Variants in NEDD9 observed in about 807,000 individuals in gnomAD.
The protein encoded by NEDD9 is neural precursor cell expressed, developmentally down-regulated 9, also known as enhancer of filamentation 1.
Under a neutral mutation model 76.6 loss-of-function variants are expected in NEDD9, and 26 were observed. The observed-to-expected ratio is 0.34, with a 90% CI of 0.25 to 0.47. The LOEUF (loss-of-function observed/expected upper bound fraction) is 0.47. Ranked by LOEUF, NEDD9 falls within the 20% of genes least tolerant of loss-of-function variation. The probability of loss-of-function intolerance (pLI) is 1.00; values close to 1 mark genes in which losing one functional copy is unlikely to be tolerated. For synonymous variants in NEDD9, 392 were observed against 414.2 expected (o/e 0.95, Z 0.65); for missense variants, 937 against 1,058.5 (o/e 0.89, Z 1.59).
At chr6:11,368,425 C>T (rs1406060652) in intron 1 of NEDD9, among the ~76,000 whole-genome samples, 5 of 152,160 alleles carry the variant, frequency 3.3e-5, no homozygotes, top group Admixed American at 2.0e-4. Flanking sequence ...ACTACCACAA[C>T]TCTTGGATAC....
chr6:11,317,193 G>A (rs1458329267), intron 2 of NEDD9, among the ~76,000 whole-genome samples: 1 of 152,192 alleles, frequency 6.6e-6, no homozygotes, highest in Non-Finnish European at 1.5e-5. Flanking sequence ...AGCACTCTGA[G>A]AGGCCGAGGC....
chr6:11,304,837 A>T (rs1271009607), intron 3 of NEDD9, among the ~76,000 whole-genome samples: 1 of 152,206 alleles, frequency 6.6e-6, no homozygotes, highest in Non-Finnish European at 1.5e-5. Context: ...ATATAGCATT[A>T]GGAGAAATAC....
At chr6:11,302,933 G>A (rs1018373405) in intron 3 of NEDD9, among the ~76,000 whole-genome samples, 6 of 152,194 alleles carry the variant, frequency 3.9e-5, no homozygotes, top group African/African-American at 1.4e-4. Flanking sequence ...AAAGCTGGAA[G>A]CATTCCCTTT....
At chr6:11,231,715 G>A (rs1375508103) in intron 1 of NEDD9, among the ~76,000 whole-genome samples, 1 of 152,154 alleles carries the variant, frequency 6.6e-6, no homozygotes, top group African/African-American at 2.4e-5. Context: ...AAAGAAAAAG[G>A]GGAGGGGGGA....
intron 2 of NEDD9, among the ~76,000 whole-genome samples, chr6:11,318,338 G>A (rs1045850356): frequency 6.6e-6 from 1 of 152,090 alleles, no homozygotes; most frequent in Non-Finnish European, 1.5e-5. Context: ...GAAAAGAAAA[G>A]AGAAAAATAG....
At chr6:11,249,707 C>A (rs900634696) in intron 3 of NEDD9, among the ~76,000 whole-genome samples, 6 of 152,314 alleles carry the variant, frequency 3.9e-5, no homozygotes, top group Middle Eastern at 3.4e-3. Context: ...ACAGTAGATG[C>A]TCCATAACTG....
At chr6:11,239,313 G>A (rs1759664904) in intron 3 of NEDD9, among the ~76,000 whole-genome samples, 1 of 152,164 alleles carries the variant, frequency 6.6e-6, no homozygotes, top group Non-Finnish European at 1.5e-5. Flanking sequence ...ATTTATAGAA[G>A]AGGGTTCTGT....
chr6:11,218,861 A>C (rs557730051), intron 1 of NEDD9, among the ~76,000 whole-genome samples: 1 of 152,298 alleles, frequency 6.6e-6, no homozygotes, highest in South Asian at 2.1e-4. Context: ...AAACAGGATA[A>C]TGACGCAGAT....
chr6:11,334,661 T>C (rs538420044), intron 1 of NEDD9: 1 of 152,370 alleles, frequency 6.6e-6, no homozygotes, highest in East Asian at 1.9e-4. Flanking sequence ...GTGGTTATGT[T>C]ATACATCATT....
chr6:11,213,589 G>A lies in NEDD9; in HGVS notation c.151C>T (p.Arg51Trp), dbSNP rs145744844. 16 of 1,614,144 alleles carry A rather than the reference G, an allele frequency of 9.9e-6. No individual in the cohort carries two copies. Among genetic ancestry groups the A allele is most frequent in the African/African-American group, 5.3e-5 (4 of 75,026 alleles). Residue 51 changes from arginine to tryptophan, a missense_variant, in exon 2 of 7, where the codon CGG becomes TGG. By Grantham distance (101) the Arg-to-Trp change is moderately radical. Transcript: ENST00000379446. This position sits in a 1 kb window ranked among gnomAD's most constrained non-coding sequence, Gnocchi z 5.4. ...EGWWLCSLHG[R>W]QGIVPGNRVK... ...CGGTTGCCTGGGACAATGCCTTGCC[G>A]ACCGTGTAATGAGCACAGCCACCAT...
chr6:11,198,222 T>G lies in NEDD9; in HGVS notation c.460-4530A>C, dbSNP rs574518469. ...ATTGACTTAAATTTTAAAAACAGTG[T>G]CTTGGCCAAACTAAACGCGTCTTTG... On this transcript the variant is annotated intron_variant, in intron 2 of 6. Transcript: ENST00000379446. This position sits in a 1 kb window ranked among gnomAD's most constrained non-coding sequence, Gnocchi z 4.7. The G allele has an allele frequency of 1.3e-5, 2 of 152,326 alleles. No individual in the cohort carries two copies. The highest frequency in any genetic ancestry group is 1.3e-4 in the Admixed American group (2 of 15,296). The allele number at this position is 152,326 out of a possible 1,614,324, so 9.4% of individuals were successfully genotyped here. A position where few individuals can be genotyped will look rare whatever the true frequency, so the allele number is the denominator to read the frequency against.
At chr6:11,238,802 C>G (rs1759656678) in intron 3 of NEDD9, among the ~76,000 whole-genome samples, 2 of 152,172 alleles carry the variant, frequency 1.3e-5, no homozygotes, top group African/African-American at 4.8e-5. Context: ...AATGCTTAGG[C>G]CTCTCTCCTT....
intron 3 of NEDD9, chr6:11,305,972 T>C (rs565520123): frequency 6.2e-7 from 1 of 1,613,778 alleles, no homozygotes; most frequent in Non-Finnish European, 8.5e-7. Context: ...AATTGTCTGT[T>C]TTTTTCTATC....
upstream of NEDD9, chr6:11,233,387 T>C (rs2113274050): frequency 1.9e-6 from 1 of 519,004 alleles, no homozygotes; most frequent in Non-Finnish European, 3.8e-6. Context: ...CGACCTTCAG[T>C]GGCTTTGCTG....
intron 1 of NEDD9, among the ~76,000 whole-genome samples, chr6:11,216,186 A>T (rs1758948350): frequency 6.6e-6 from 1 of 152,222 alleles, no homozygotes; most frequent in African/African-American, 2.4e-5. Flanking sequence ...CTCAGTGCCC[A>T]TAGAGATTAG....
intron 3 of NEDD9, among the ~76,000 whole-genome samples, chr6:11,287,539 C>A (rs1760677795): frequency 6.6e-6 from 1 of 152,246 alleles, no homozygotes; most frequent in East Asian, 1.9e-4. Flanking sequence ...CACACACACA[C>A]ACACACACAC....
At position 11,213,517 on chromosome 6, in the gene NEDD9, C is replaced by G. The variant is rs770931575; in HGVS notation, c.223G>C (p.Glu75Gln). The G allele has an allele frequency of 3.1e-6, 5 of 1,613,974 alleles. No individual in the cohort carries two copies. Among genetic ancestry groups the G allele is most frequent in the Non-Finnish European group, 4.2e-6 (5 of 1,180,036 alleles). The change falls in exon 2 of 7, where the codon GAG becomes CAG. Residue 75 changes from glutamate to glutamine, a missense_variant. Physicochemically the swap from Glu to Gln is conservative, Grantham distance 29. Transcript: ENST00000379446. The surrounding 1 kb of genome is among the most constrained non-coding windows in gnomAD (Gnocchi z 5.4). ...GPMQETASSH[E>Q]QPASGLMQQT... is the part of the protein sequence containing the mutation. ...TGCATCAGTCCAGAGGCAGGCTGCTCGTGACTGGAGGCAGTCTCCTGCATG... is the reference window on the plus strand; with the variant it reads ...TGCATCAGTCCAGAGGCAGGCTGCTGGTGACTGGAGGCAGTCTCCTGCATG...
intron 1 of NEDD9, among the ~76,000 whole-genome samples, chr6:11,366,294 G>GGAAGGAAGGAAAGAAA (rs58662867): frequency 6.8e-5 from 8 of 117,386 alleles, no homozygotes; most frequent in Non-Finnish European, 8.8e-5. Context: ...AAGGAAGGAA[G>GGAAGGAAGGAAAGAAA]GAAAGAAAGA....
At chr6:11,294,769 C>T (rs1421496076) in intron 3 of NEDD9, among the ~76,000 whole-genome samples, 2 of 152,158 alleles carry the variant, frequency 1.3e-5, no homozygotes, top group Admixed American at 6.5e-5. Flanking sequence ...GATGATATCT[C>T]ATTATGGTTT....
Sources: gnomAD v4.1 joint callset for allele counts (sites outside exome capture counted in the v4.1 genomes callset) on GRCh38, gnomAD v4.1.1 for gene constraint, Gnocchi (gnomAD v3.1) non-coding constraint, MANE v1.5 for transcripts, NCBI Gene and HGNC (gene_info 2026-07-23, HGNC 2026-07-21) for gene names.